CACUL1: variants seen among roughly 807,000 people sequenced by gnomAD.
The protein encoded by CACUL1 is CDK2 associated cullin domain 1, also known as CDK2-associated and cullin domain-containing protein 1.
A neutral mutation model predicts 45.2 loss-of-function variants in CACUL1; 13 were observed. The observed-to-expected ratio is 0.29, with a 90% CI of 0.19 to 0.46. CACUL1 has a LOEUF of 0.46. CACUL1 is among the 20% of genes least tolerant of loss of function. CACUL1 has a pLI of 1.00. For missense variants in CACUL1, 421 were observed against 471.4 expected, an observed-to-expected ratio of 0.89 and a Z score of 0.99; for synonymous variants, 197 against 174.2, an observed-to-expected ratio of 1.13 and a Z score of -1.03.
intron 3 of CACUL1, among the ~76,000 whole-genome samples, chr10:118,710,596 A>G (rs1845475287): frequency 6.6e-6 from 1 of 152,110 alleles, no homozygotes; most frequent in South Asian, 2.1e-4. Context: ...TCTCCTAGTC[A>G]TTCCTTCAAA....
rs1406813894 is a variant in CACUL1, at chr10:118,683,840, A to G, written c.*2288T>C. The G allele has an allele frequency of 6.6e-6, 1 of 152,170 alleles. No homozygotes were observed. The highest frequency in any genetic ancestry group is 1.5e-5 in the Non-Finnish European group (1 of 68,016). 9.4% of individuals were successfully genotyped at this position (152,170 alleles called of 1,614,324 possible). A position where few individuals can be genotyped will look rare whatever the true frequency, so the allele number is the denominator to read the frequency against. ...GAATCCCAATAAATAAGCAAAGTCT[A>G]TTTCAACTTAAACAGGTCCTTCAAA... On this transcript the variant is annotated 3_prime_UTR_variant, in exon 9 of 9. Coordinates refer to ENST00000369151, the MANE Select transcript of CACUL1 (RefSeq NM_153810.5).
At chr10:118,752,200 T>A (rs1197574812) in intron 1 of CACUL1, among the ~76,000 whole-genome samples, 1 of 152,186 alleles carries the variant, frequency 6.6e-6, no homozygotes, top group Non-Finnish European at 1.5e-5. Context: ...CCTACAATGC[T>A]AAACAGTAGT....
At chr10:118,742,252 G>A (rs574240780) in intron 1 of CACUL1, among the ~76,000 whole-genome samples, 19 of 152,268 alleles carry the variant, frequency 1.2e-4, no homozygotes, top group Admixed American at 1.0e-3. Context: ...ATAACCGAAT[G>A]TCCACAAAAG....
chr10:118,691,866 CAAAAAAAAAAAA>C (rs754241223), intron 6 of CACUL1, among the ~76,000 whole-genome samples: 1 of 95,452 alleles, frequency 1.0e-5, no homozygotes, highest in Non-Finnish European at 1.9e-5. Context: ...GACTCCGTCT[CAAAAAAAAAAAA>C]AAAAAAAAAA....
intron 3 of CACUL1, among the ~76,000 whole-genome samples, chr10:118,722,802 C>A (rs1335350705): frequency 6.6e-6 from 1 of 152,180 alleles, no homozygotes; most frequent in Non-Finnish European, 1.5e-5. Context: ...CAGGTCAGGG[C>A]AGAAGCACCT....
At chr10:118,721,201 T>C (rs1845597102) in intron 3 of CACUL1, among the ~76,000 whole-genome samples, 1 of 152,242 alleles carries the variant, frequency 6.6e-6, no homozygotes, top group African/African-American at 2.4e-5. Context: ...AGTTGAGTTA[T>C]GCTGCCACCC....
chr10:118,712,446 C>T (rs984416670), intron 3 of CACUL1, among the ~76,000 whole-genome samples: 5 of 152,252 alleles, frequency 3.3e-5, no homozygotes, highest in African/African-American at 1.2e-4. Context: ...CGCAATGTGG[C>T]AAGCAAGTGG....
chr10:118,685,551 G>C lies in CACUL1; in HGVS notation c.*577C>G, dbSNP rs759482273. On this transcript the variant is annotated 3_prime_UTR_variant, in exon 9 of 9. Coordinates refer to ENST00000369151, the MANE Select transcript of CACUL1 (RefSeq NM_153810.5). ...AAGGCACAGAGTAGAAGAAAGTTGT[G>C]AACTGATGGGGGAAAGTTCTAGCAA... The C allele has an allele frequency of 6.5e-6, 1 of 152,702 alleles. No individual in the cohort carries two copies. Among genetic ancestry groups the C allele is most frequent in the African/African-American group, 2.4e-5 (1 of 41,438 alleles). 9.5% of individuals were successfully genotyped at this position (152,702 alleles called of 1,614,324 possible).
chr10:118,691,043 T>C (rs1278946864), intron 7 of CACUL1, among the ~76,000 whole-genome samples: 2 of 151,946 alleles, frequency 1.3e-5, no homozygotes, highest in East Asian at 1.9e-4. Context: ...GGAGCAAGAC[T>C]CCATCTCAAA....
At chr10:118,712,301 G>A (rs988848254) in intron 3 of CACUL1, among the ~76,000 whole-genome samples, 3 of 152,202 alleles carry the variant, frequency 2.0e-5, no homozygotes, top group African/African-American at 4.8e-5. Flanking sequence ...AGTACGTGGT[G>A]GTGCCTGGAA....
At chr10:118,724,058 C>A (rs1460232860) in intron 3 of CACUL1, among the ~76,000 whole-genome samples, 1 of 152,174 alleles carries the variant, frequency 6.6e-6, no homozygotes, top group East Asian at 1.9e-4. Context: ...AGCCACCACA[C>A]CTGGCCGAAT....
chr10:118,707,414 T>A, intron 4 of CACUL1, 78 bp downstream of exon 4: 1 of 651,142 alleles, frequency 1.5e-6, no homozygotes, highest in Non-Finnish European at 2.7e-6. Flanking sequence ...AAACAGAATA[T>A]GCTTAACTCT....
intron 3 of CACUL1, among the ~76,000 whole-genome samples, chr10:118,725,881 C>T (rs1187754988): frequency 6.6e-6 from 1 of 152,198 alleles, no homozygotes; most frequent in African/African-American, 2.4e-5. Flanking sequence ...ATTTTATATA[C>T]TCTTCAATCT....
At chr10:118,686,547 G>GTT in intron 8 of CACUL1, 51 bp downstream of exon 8, 1 of 1,369,932 alleles carries the variant, frequency 7.3e-7, no homozygotes, top group South Asian at 1.2e-5. Flanking sequence ...CATTAATATG[G>GTT]CTGCTTTACA....
Position 118,686,638 on chromosome 10 carries a change from A to G in CACUL1, c.1029T>C (p.Gly343=). 2 of 1,612,734 alleles carry G rather than the reference A, an allele frequency of 1.2e-6. No individual in the cohort carries two copies. Among genetic ancestry groups the G allele is most frequent in the Non-Finnish European group, 1.7e-6 (2 of 1,178,720 alleles). ...RELIQNGFTR[G]DQSRKRAGDE... ...CCCCAGCTCTCTTCCGGGACTGGTC[A>G]CCCCTGGGGATAAGAAGAGGCAGTC... The change falls in exon 8 of 9, where the codon GGT becomes GGC. Residue 343 remains glycine (G), a synonymous_variant. Transcript: ENST00000369151.
intron 1 of CACUL1, among the ~76,000 whole-genome samples, chr10:118,743,381 T>C (rs1168975874): frequency 2.0e-5 from 3 of 151,604 alleles, no homozygotes; most frequent in East Asian, 1.9e-4. Flanking sequence ...ACATAAAAAA[T>C]TGCGGAAAAC....
At chr10:118,710,792 T>C (rs1845476908) in intron 3 of CACUL1, among the ~76,000 whole-genome samples, 1 of 152,226 alleles carries the variant, frequency 6.6e-6, no homozygotes. Context: ...GAAAGGGTCT[T>C]GTTCAAATCT....
Position 118,746,151 on chromosome 10 carries a change from C to CAAAAAAAAAAAAAA in CACUL1, c.367+8231_367+8244dup, listed in dbSNP as rs376453440. Among the ~76,000 whole-genome samples the CAAAAAAAAAAAAAA allele has an allele frequency of 8.0e-3, 724 of 91,034 alleles. 12 individuals are homozygous for CAAAAAAAAAAAAAA. The highest frequency in any genetic ancestry group is 0.023 in the Middle Eastern group (3 of 128). The allele number at this position is 91,034 out of a possible 152,430, so 59.7% of individuals were successfully genotyped here. On this transcript the variant is annotated intron_variant, in intron 1 of 8. Coordinates refer to ENST00000369151, the MANE Select transcript of CACUL1 (RefSeq NM_153810.5). ...TGGGCAACAGAGCGAGACACTGTCT[C>CAAAAAAAAAAAAAA]AAAAAAAAAAAAAAAGGAGTCTTTA...
chr10:118,735,920 G>A (rs2119655064), intron 1 of CACUL1, among the ~76,000 whole-genome samples: 1 of 152,042 alleles, frequency 6.6e-6, no homozygotes, highest in South Asian at 2.1e-4. Context: ...AAGGAGAAAA[G>A]AGCCCTTTGT....
Sources: gnomAD v4.1 joint callset for allele counts (sites outside exome capture counted in the v4.1 genomes callset) on GRCh38, gnomAD v4.1.1 for gene constraint, MANE v1.5 for transcripts, NCBI Gene and HGNC (gene_info 2026-07-23, HGNC 2026-07-21) for gene names.